The following PCLO variants were observed in gnomAD, a reference collection of about 807,000 sequenced individuals.
PCLO encodes piccolo presynaptic cytomatrix protein.
A neutral mutation model predicts 427.5 loss-of-function variants in PCLO; 82 were observed. The ratio of observed to expected loss-of-function variants is 0.19; its 90% CI spans 0.16 to 0.23. The LOEUF is 0.23. Ranked by LOEUF, PCLO falls within the 10% of genes least tolerant of loss-of-function variation. The probability of loss-of-function intolerance (pLI) is 1.00; values close to 1 mark genes in which losing one functional copy is unlikely to be tolerated. For synonymous variants in PCLO, 2,357 were observed against 2,155.4 expected (o/e 1.09, Z -2.59); for missense variants, 6,239 against 6,115.9 (o/e 1.02, Z -0.67).
chr7:83,134,241 A>C lies in PCLO; in HGVS notation c.3300+9T>G. On this transcript the variant is annotated intron_variant, in intron 3 of 24. Coordinates refer to ENST00000333891, the MANE Select transcript of PCLO (RefSeq NM_033026.6). ...GTAATATATATATATATATATATAT[A>C]TAACTTACCTCAGTCAAATGTGGTG... 2 of 1,071,196 alleles carry C rather than the reference A, an allele frequency of 1.9e-6. No individual in the cohort carries two copies. Among genetic ancestry groups the C allele is most frequent in the Non-Finnish European group, 2.6e-6 (2 of 757,756 alleles). 66.4% of individuals were successfully genotyped at this position (1,071,196 alleles called of 1,614,324 possible). A position where few individuals can be genotyped will look rare whatever the true frequency, so the allele number is the denominator to read the frequency against.
At chr7:82,882,750 A>G in intron 9 of PCLO, among the ~76,000 whole-genome samples, 1 of 152,150 alleles carries the variant, frequency 6.6e-6, no homozygotes, top group East Asian at 1.9e-4. Flanking sequence ...CTCTATGTAC[A>G]TTATAAGTAT....
At chr7:82,850,871 A>T (rs2115843672) in intron 10 of PCLO, among the ~76,000 whole-genome samples, 1 of 152,314 alleles carries the variant, frequency 6.6e-6, no homozygotes, top group South Asian at 2.1e-4. Flanking sequence ...TAAAATAAAG[A>T]TCATTCACAC....
chr7:82,967,706 C>T (rs534527973), intron 3 of PCLO, among the ~76,000 whole-genome samples: 2 of 152,202 alleles, frequency 1.3e-5, no homozygotes, highest in South Asian at 4.2e-4. Flanking sequence ...CAAATGATCA[C>T]CTAGGAGACA....
chr7:82,916,286 G>C lies in PCLO; in HGVS notation c.11700C>G (p.Pro3900=). ...AATGAGACTGTTGAGTGTATGAGGT[G>C]GGTGCTTGGGTAGGAAGAGCAGGGG... The part of the protein sequence containing the change: ...YSSPALPTQA[P]TSYTQQSHFE... Residue 3900 remains proline, a synonymous_variant, in exon 7 of 25, where the codon CCC becomes CCG. Transcript: ENST00000333891. 1.2e-6 allele frequency: 2 copies of C among 1,613,674 alleles called. No homozygotes were observed. Among genetic ancestry groups the C allele is most frequent in the Non-Finnish European group, 1.7e-6 (2 of 1,179,716 alleles).
chr7:82,782,745 C>T (rs925363573), intron 22 of PCLO, among the ~76,000 whole-genome samples: 5 of 152,144 alleles, frequency 3.3e-5, no homozygotes, highest in African/African-American at 1.2e-4. Context: ...TCATTTCAAG[C>T]AAAACTCTTC....
intron 2 of PCLO, among the ~76,000 whole-genome samples, chr7:83,147,135 T>C (rs57691793): frequency 6.6e-5 from 10 of 151,176 alleles, no homozygotes; most frequent in African/African-American, 2.4e-4. Context: ...ATATTACATA[T>C]AATGTATATG....
At chr7:82,777,373 T>C (rs1245851668) in intron 22 of PCLO, among the ~76,000 whole-genome samples, 1 of 151,984 alleles carries the variant, frequency 6.6e-6, no homozygotes, top group Non-Finnish European at 1.5e-5. Context: ...AAAACACCAA[T>C]GATATTCTTC....
intron 9 of PCLO, among the ~76,000 whole-genome samples, chr7:82,892,443 C>T (rs1466867554): frequency 9.2e-5 from 14 of 152,144 alleles, no homozygotes; most frequent in Non-Finnish European, 1.6e-4. Flanking sequence ...GGATTAAAGA[C>T]GTGCATGTTA....
chr7:82,822,792 C>T, intron 19 of PCLO, 103 bp from the exon 20 acceptor site: 2 of 925,574 alleles, frequency 2.2e-6, no homozygotes, highest in Non-Finnish European at 3.5e-6. Context: ...TATGTTAATT[C>T]TGAGTCTTAT....
intron 22 of PCLO, among the ~76,000 whole-genome samples, chr7:82,786,374 C>G (rs1286031876): frequency 5.9e-5 from 9 of 151,996 alleles, no homozygotes; most frequent in Non-Finnish European, 7.4e-5. Context: ...TTTTCTATAC[C>G]AATAAATTTG....
At chr7:82,781,295 T>C (rs1045571396) in intron 22 of PCLO, among the ~76,000 whole-genome samples, 3 of 151,982 alleles carry the variant, frequency 2.0e-5, no homozygotes, top group African/African-American at 4.8e-5. Flanking sequence ...TTCTTGTTTA[T>C]TTCTTCTAAA....
At chr7:83,136,801 C>A (rs28577991) in intron 2 of PCLO, among the ~76,000 whole-genome samples, 7 of 151,912 alleles carry the variant, frequency 4.6e-5, no homozygotes, top group African/African-American at 1.7e-4. Context: ...CATATATATA[C>A]ACAATATGCA....
chr7:83,144,256 T>C (rs989755320), intron 2 of PCLO, among the ~76,000 whole-genome samples: 12 of 152,108 alleles, frequency 7.9e-5, no homozygotes, highest in Non-Finnish European at 1.6e-4. Context: ...ACCCTGTCTC[T>C]ACTAAAAATA....
At chr7:83,009,799 C>T (rs1420400882) in intron 3 of PCLO, among the ~76,000 whole-genome samples, 2 of 151,886 alleles carry the variant, frequency 1.3e-5, no homozygotes, top group Non-Finnish European at 2.9e-5. Context: ...CCATTATCTA[C>T]AGATTGCCTA....
At chr7:82,923,900 A>T (rs1450620535) in intron 6 of PCLO, among the ~76,000 whole-genome samples, 4 of 152,000 alleles carry the variant, frequency 2.6e-5, no homozygotes, top group Admixed American at 2.6e-4. Context: ...ATATTGTTAG[A>T]TGTTTAGTTG....
intron 15 of PCLO, among the ~76,000 whole-genome samples, chr7:82,836,874 A>G (rs1253545949): frequency 1.3e-5 from 2 of 152,100 alleles, no homozygotes; most frequent in African/African-American, 4.8e-5. Context: ...AACTACAGTA[A>G]AAGAATACAC....
chr7:82,805,635 C>T (rs533750145), intron 21 of PCLO, 53 bp downstream of exon 21: 39 of 1,545,256 alleles, frequency 2.5e-5, no homozygotes, highest in African/African-American at 2.7e-5. Context: ...GTTGAGAATG[C>T]CTTACTCATG....
At chr7:82,957,072 T>A (rs1054501943) in intron 4 of PCLO, 137 bp from the exon 5 acceptor site, 12 of 925,544 alleles carry the variant, frequency 1.3e-5, no homozygotes, top group Admixed American at 1.1e-4. Context: ...CAGTATTTTT[T>A]AAAAGTTTGA....
intron 9 of PCLO, among the ~76,000 whole-genome samples, chr7:82,900,626 G>C (rs917250416): frequency 1.3e-5 from 2 of 151,518 alleles, no homozygotes; most frequent in African/African-American, 4.8e-5. Context: ...GATGATTGAG[G>C]ACCTATCAGA....
Sources: allele counts gnomAD v4.1 joint callset (sites outside exome capture counted in the v4.1 genomes callset), GRCh38; gene constraint gnomAD v4.1.1; transcripts MANE v1.5; gene names NCBI Gene and HGNC (gene_info 2026-07-23, HGNC 2026-07-21).